ADAMTS12: variants seen among roughly 807,000 people sequenced by gnomAD.
The protein encoded by ADAMTS12 is A disintegrin and metalloproteinase with thrombospondin motifs 12.
ADAMTS12 carries 118 observed loss-of-function variants against 167.8 expected under a neutral mutation model. The observed-to-expected ratio is 0.70, with a 90% CI of 0.61 to 0.82. The LOEUF (loss-of-function observed/expected upper bound fraction) is 0.82, where lower values mean the gene tolerates loss of function less well. ADAMTS12 is among the 40% of genes least tolerant of loss of function. The probability of loss-of-function intolerance (pLI) is 0.00; values close to 1 mark genes in which losing one functional copy is unlikely to be tolerated. For synonymous variants in ADAMTS12, 704 were observed against 716.9 expected (o/e 0.98, Z 0.29); for missense variants, 1,916 against 1,998.8 (o/e 0.96, Z 0.79).
chr5:33,673,473 A>C (rs1027389187), intron 5 of ADAMTS12, among the ~76,000 whole-genome samples: 1 of 152,096 alleles, frequency 6.6e-6, no homozygotes, highest in Non-Finnish European at 1.5e-5. Flanking sequence ...TAGAAATGCC[A>C]GTGTCTTGTT....
intron 19 of ADAMTS12, among the ~76,000 whole-genome samples, chr5:33,568,689 A>T (rs1170181298): frequency 2.6e-5 from 4 of 152,232 alleles, no homozygotes; most frequent in Non-Finnish European, 5.9e-5. Context: ...TGATTTCTGC[A>T]TTTCCATCTG....
intron 2 of ADAMTS12, among the ~76,000 whole-genome samples, chr5:33,786,460 G>GAT (rs1746328083): frequency 7.5e-6 from 1 of 134,032 alleles, no homozygotes; most frequent in African/African-American, 3.0e-5. Context: ...CATCTAAGAA[G>GAT]CTTTTTTTTT....
intron 16 of ADAMTS12, among the ~76,000 whole-genome samples, chr5:33,611,030 A>G (rs1738703419): frequency 6.6e-6 from 1 of 151,422 alleles, no homozygotes; most frequent in African/African-American, 2.4e-5. Flanking sequence ...GTGCCATCCC[A>G]CTCCAGCCTG....
chr5:33,648,484 A>T (rs1740759840), intron 9 of ADAMTS12, among the ~76,000 whole-genome samples: 1 of 152,232 alleles, frequency 6.6e-6, no homozygotes, highest in South Asian at 2.1e-4. Flanking sequence ...CTCTTCAGCC[A>T]GATGTGAAAT....
rs1354626844 is a variant in ADAMTS12, at chr5:33,527,098, G to A, written c.*90C>T. On this transcript the variant is annotated 3_prime_UTR_variant, in exon 24 of 24. Coordinates refer to ENST00000504830, the MANE Select transcript of ADAMTS12 (RefSeq NM_030955.4). ...CAAAGCTGAATCTGAAATATATGAAGCAAAACCTCAACGAAGCAGCTCCCA... is the reference window on the plus strand; with the variant it reads ...CAAAGCTGAATCTGAAATATATGAAACAAAACCTCAACGAAGCAGCTCCCA... The A allele has an allele frequency of 6.7e-7, 1 of 1,490,788 alleles. No homozygotes were observed. Among genetic ancestry groups the A allele is most frequent in the Admixed American group, 1.9e-5 (1 of 52,052 alleles). 92.3% of individuals were successfully genotyped at this position (1,490,788 alleles called of 1,614,324 possible).
chr5:33,691,991 G>A (rs1742564279), intron 3 of ADAMTS12, among the ~76,000 whole-genome samples: 2 of 152,192 alleles, frequency 1.3e-5, no homozygotes, highest in Non-Finnish European at 2.9e-5. Context: ...CTTCTCTGTT[G>A]TTTGCATCAA....
At chr5:33,727,756 A>C (rs1437190810) in intron 3 of ADAMTS12, among the ~76,000 whole-genome samples, 1 of 152,178 alleles carries the variant, frequency 6.6e-6, no homozygotes, top group Non-Finnish European at 1.5e-5. Flanking sequence ...TTTCAGCCTA[A>C]AAGTCCTACA....
At chr5:33,536,078 C>T (rs922474414) in intron 22 of ADAMTS12, among the ~76,000 whole-genome samples, 1 of 152,220 alleles carries the variant, frequency 6.6e-6, no homozygotes, top group African/African-American at 2.4e-5. Context: ...GAATTTACCA[C>T]ATATGCTCTT....
Position 33,673,927 on chromosome 5 carries a change from T to C in ADAMTS12, c.915+9091A>G, listed in dbSNP as rs77718940. ...TTTAATTTGGGCATTTCCAGGGAGC[T>C]TTCCCTGCCCCCTAGTCTGGTTTAG... On this transcript the variant is annotated intron_variant, in intron 5 of 23. Transcript: ENST00000504830. 5.3e-3 allele frequency among the ~76,000 whole-genome samples: 800 copies of C among 152,274 alleles called. 37 individuals are homozygous for C. In the East Asian group the frequency reaches 0.098, roughly 19 times the overall value.
intron 2 of ADAMTS12, among the ~76,000 whole-genome samples, chr5:33,803,471 A>T (rs918530363): frequency 1.3e-5 from 2 of 152,178 alleles, no homozygotes; most frequent in African/African-American, 4.8e-5. Context: ...GTTGTGTTTG[A>T]TTCCTTAGGA....
At chr5:33,658,890 A>C (rs1741155112) in intron 6 of ADAMTS12, among the ~76,000 whole-genome samples, 1 of 152,226 alleles carries the variant, frequency 6.6e-6, no homozygotes, top group African/African-American at 2.4e-5. Flanking sequence ...CTGTGTGTGC[A>C]TGTACATCTA....
rs542640205 is a variant in ADAMTS12, at chr5:33,755,773, C to A, written c.490-4225G>T. Among the ~76,000 whole-genome samples, 19 of 152,260 alleles carry A rather than the reference C, an allele frequency of 1.2e-4. 1 individual carries two copies. The South Asian group carries it at 3.7e-3, about 30-fold the overall frequency. On this transcript the variant is annotated intron_variant, in intron 2 of 23. Transcript: ENST00000504830. ...CTGTGCTTCTGAAACCATCACCCTG[C>A]CTTGAAAATTCCTTTTACTCATTTG...
intron 2 of ADAMTS12, among the ~76,000 whole-genome samples, chr5:33,791,408 G>C (rs1397251805): frequency 6.6e-6 from 1 of 152,112 alleles, no homozygotes; most frequent in African/African-American, 2.4e-5. Flanking sequence ...CTAAATTCCT[G>C]TAAGATATAT....
intron 17 of ADAMTS12, 104 bp from the exon 18 acceptor site, chr5:33,588,913 A>G: frequency 7.4e-7 from 1 of 1,352,262 alleles, no homozygotes; most frequent in East Asian, 2.5e-5. Context: ...CAGGGCTGGA[A>G]GGGCCATGGA....
At position 33,683,846 on chromosome 5, in the gene ADAMTS12, T is replaced by A; in HGVS notation, c.831+13A>T. 1 of 1,467,120 alleles carries A rather than the reference T, an allele frequency of 6.8e-7. No individual in the cohort carries two copies. The highest frequency in any genetic ancestry group is 9.1e-7 in the Non-Finnish European group (1 of 1,100,454). 90.9% of individuals were successfully genotyped at this position (1,467,120 alleles called of 1,614,324 possible). A position where few individuals can be genotyped will look rare whatever the true frequency, so the allele number is the denominator to read the frequency against. ...TTCACTAGCTGCCCCAGCCCCCATG[T>A]AGTCTGGCATACCATGTTCATGATG... On this transcript the variant is annotated intron_variant, in intron 4 of 23. Transcript: ENST00000504830.
In ADAMTS12 at chr5:33,613,559, C is replaced by T. The variant is rs373050176; in HGVS notation, c.2527+679G>A. The stretch of plus-strand genomic sequence containing the variant: ...TGCCTCTCCCATCTTTCTTTCCTTA[C>T]GGGGCAAGCTGGAAGCCATGTGTTT... On this transcript the variant is annotated intron_variant, in intron 16 of 23. Transcript: ENST00000504830. Among the ~76,000 whole-genome samples, 16 of 152,214 alleles carry T rather than the reference C, an allele frequency of 1.1e-4. No individual in the cohort carries two copies. The East Asian group carries it at 1.9e-3, about 18-fold the overall frequency.
intron 3 of ADAMTS12, among the ~76,000 whole-genome samples, chr5:33,699,973 G>T (rs745697203): frequency 6.6e-6 from 1 of 152,084 alleles, no homozygotes; most frequent in Non-Finnish European, 1.5e-5. Flanking sequence ...TCAGGGAAAT[G>T]CAAATTAAAG....
At chr5:33,812,228 G>A (rs1271828499) in intron 2 of ADAMTS12, among the ~76,000 whole-genome samples, 1 of 152,184 alleles carries the variant, frequency 6.6e-6, no homozygotes, top group African/African-American at 2.4e-5. Flanking sequence ...AGTCAAGGCT[G>A]GAGTGAGCCA....
chr5:33,614,011 C>T (rs1046167367), intron 16 of ADAMTS12, among the ~76,000 whole-genome samples: 1 of 152,170 alleles, frequency 6.6e-6, no homozygotes, highest in African/African-American at 2.4e-5. Context: ...AAACTTTTAT[C>T]AACTTTTTTA....
Sources: allele counts gnomAD v4.1 joint callset (sites outside exome capture counted in the v4.1 genomes callset), GRCh38; gene constraint gnomAD v4.1.1; transcripts MANE v1.5; gene names NCBI Gene and HGNC (gene_info 2026-07-23, HGNC 2026-07-21).